CFAP46: variants seen among roughly 807,000 people sequenced by gnomAD.
CFAP46 encodes the protein cilia and flagella associated protein 46.
In CFAP46, 245 loss-of-function variants were observed where a neutral mutation model predicts 325.7. That is an observed-to-expected ratio of 0.75 (90% CI 0.68 to 0.84). CFAP46 has a LOEUF of 0.84. Among genes scored for constraint, CFAP46 ranks in the 40% least tolerant of loss-of-function variants. The pLI is 0.00. For missense variants in CFAP46, 3,346 were observed against 3,543.0 expected (o/e 0.94, Z 1.41); for synonymous variants, 1,523 against 1,495.9 (o/e 1.02, Z -0.42).
At chr10:132,875,877 T>G (rs949524709) in intron 31 of CFAP46, among the ~76,000 whole-genome samples, 7 of 152,204 alleles carry the variant, frequency 4.6e-5, no homozygotes, top group Non-Finnish European at 1.0e-4. Context: ...TGACTCTTAT[T>G]ACATTAAAAC....
At chr10:132,923,179 G>A (rs965389024) in intron 11 of CFAP46, among the ~76,000 whole-genome samples, 14 of 151,918 alleles carry the variant, frequency 9.2e-5, no homozygotes, top group African/African-American at 2.4e-4. Context: ...GGGGTACCCC[G>A]GAACCCCTGG....
chr10:132,882,000 T>C (rs866339170), intron 27 of CFAP46, among the ~76,000 whole-genome samples: 2 of 135,886 alleles, frequency 1.5e-5, no homozygotes, highest in Non-Finnish European at 3.2e-5. Context: ...GTGGGGTATG[T>C]GTGGTGTGTG....
At chr10:132,941,513 C>T in intron 3 of CFAP46, 78 bp downstream of exon 3, 1 of 1,528,370 alleles carries the variant, frequency 6.5e-7, no homozygotes, top group Non-Finnish European at 8.8e-7. Context: ...GATTTTAAGC[C>T]TGGTCTAGCC....
intron 50 of CFAP46, among the ~76,000 whole-genome samples, chr10:132,820,419 G>A (rs1026246311): frequency 1.1e-4 from 17 of 152,252 alleles, no homozygotes; most frequent in African/African-American, 3.4e-4. Flanking sequence ...CCGCTGACCC[G>A]CAGGGCAAAG....
In CFAP46 at chr10:132,919,264, A is replaced by G; in HGVS notation, c.1858+51T>C. 6.6e-7 allele frequency: 1 copy of G among 1,517,908 alleles called. No individual in the cohort carries two copies. Among genetic ancestry groups the G allele is most frequent in the Non-Finnish European group, 8.9e-7 (1 of 1,128,866 alleles). The allele number at this position is 1,517,908 out of a possible 1,614,324, so 94.0% of individuals were successfully genotyped here. ...ACGAACCACAACCCTTCCCACACCC[A>G]GAGGGCGGCCGTGGCCAGGCTGGGA... is the stretch of plus-strand genomic sequence containing the variant. On this transcript the variant is annotated intron_variant, in intron 15 of 57. Transcript: ENST00000368586. This position sits in a 1 kb window ranked among gnomAD's most constrained non-coding sequence, Gnocchi z 9.7.
intron 26 of CFAP46, 58 bp from the exon 27 acceptor site, chr10:132,885,344 T>C: frequency 6.8e-7 from 1 of 1,463,358 alleles, no homozygotes; most frequent in Non-Finnish European, 9.2e-7. Flanking sequence ...ATTTTAAACG[T>C]GGGTGATGCA....
chr10:132,825,680 G>A (rs1848033390), intron 50 of CFAP46, among the ~76,000 whole-genome samples: 1 of 152,164 alleles, frequency 6.6e-6, no homozygotes, highest in African/African-American at 2.4e-5. Context: ...TTAAGAGAGT[G>A]AAAAGAACTG....
chr10:132,878,129 C>T lies in CFAP46; in HGVS notation c.4006-42G>A, dbSNP rs974645702. The T allele has an allele frequency of 3.3e-6, 5 of 1,529,166 alleles. No individual in the cohort carries two copies. In the African/African-American group the frequency reaches 5.5e-5, roughly 17 times the overall value. The allele number at this position is 1,529,166 out of a possible 1,614,324, so 94.7% of individuals were successfully genotyped here. A position where few individuals can be genotyped will look rare whatever the true frequency, so the allele number is the denominator to read the frequency against. ...CCACATTTGCAGCACTGAAAACCCA[C>T]CCACCGCCCACTCTGCCCACCCTCC... On this transcript the variant is annotated intron_variant, in intron 29 of 57. Coordinates refer to ENST00000368586, the MANE Select transcript of CFAP46 (RefSeq NM_001200049.3).
intron 50 of CFAP46, among the ~76,000 whole-genome samples, chr10:132,818,451 C>G (rs1052369232): frequency 2.0e-5 from 3 of 152,256 alleles, no homozygotes; most frequent in Middle Eastern, 3.4e-3. Context: ...CCACAGCTAA[C>G]AGTGAAAAGC....
rs1027677817 is a variant in CFAP46, at chr10:132,817,094, G to A, written c.7118-2180C>T. 2.0e-5 allele frequency among the ~76,000 whole-genome samples: 3 copies of A among 152,324 alleles called. No individual in the cohort carries two copies. The highest frequency in any genetic ancestry group is 2.1e-4 in the South Asian group (1 of 4,822). The stretch of plus-strand genomic sequence containing the variant: ...TGTCTGGACCGTCAGTAATCCAGGC[G>A]TGGTAAAATCTCCCAGCGTTGGGGC... On this transcript the variant is annotated intron_variant, in intron 50 of 57. Transcript: ENST00000368586. The surrounding 1 kb of genome is among the most constrained non-coding windows in gnomAD (Gnocchi z 4.4).
At chr10:132,866,471 C>T (rs910094058) in intron 34 of CFAP46, among the ~76,000 whole-genome samples, 4 of 152,208 alleles carry the variant, frequency 2.6e-5, no homozygotes, top group African/African-American at 7.2e-5. Context: ...TTTGCTACTC[C>T]ACACACACAC....
At position 132,913,150 on chromosome 10, in the gene CFAP46, G is replaced by A. The variant is rs571256848; in HGVS notation, c.2229C>T (p.Tyr743=). ...TCAGGTGGTGGTTGTGGTTCAGGAC[G>A]TAGACCACGGCGTTCTGCACAATCC... ...EAWIVQNAVV[Y]VLNHNHHLIL... is the part of the protein sequence containing the mutation. The change falls in exon 18 of 58, where the codon TAC becomes TAT. Residue 743 remains tyrosine, a synonymous_variant. Transcript: ENST00000368586. 15 of 1,550,458 alleles carry A rather than the reference G, an allele frequency of 9.7e-6. No individual in the cohort carries two copies. In the African/African-American group the frequency reaches 1.2e-4, roughly 13 times the overall value.
At position 132,812,886 on chromosome 10, in the gene CFAP46, C is replaced by T. The variant is rs1415174094; in HGVS notation, c.7400G>A (p.Trp2467Ter). ...GSKHFPSQAQ[W>*]EQALGSCSGF... is the part of the protein sequence containing the mutation. Reference sequence around the variant, plus strand: ...GCTGCAGCTGCCCAGGGCCTGCTCCCACTGGGCCTGGCTGCAGAGAGAGGA... The same window carrying T: ...GCTGCAGCTGCCCAGGGCCTGCTCCTACTGGGCCTGGCTGCAGAGAGAGGA... Residue 2467 changes from tryptophan to a stop codon, truncating the protein, a stop_gained, in exon 55 of 58, where the codon TGG (tryptophan) becomes TAG (stop). Coordinates refer to ENST00000368586, the MANE Select transcript of CFAP46 (RefSeq NM_001200049.3). LOFTEE classifies it high-confidence loss of function. The T allele has an allele frequency of 6.2e-7, 1 of 1,608,164 alleles. No homozygotes were observed.
At chr10:132,824,702 A>ATGTGTGTG (rs1847999242) in intron 50 of CFAP46, among the ~76,000 whole-genome samples, 1 of 33,684 alleles carries the variant, frequency 3.0e-5, no homozygotes, top group African/African-American at 2.8e-4. Context: ...GTGTGCGCTG[A>ATGTGTGTG]TGTGTGCTGT....
chr10:132,836,051 C>A (rs1160547227), intron 46 of CFAP46, 91 bp downstream of exon 46: 2 of 572,258 alleles, frequency 3.5e-6, no homozygotes, highest in Non-Finnish European at 5.3e-6. Context: ...CTCTCACCTC[C>A]CCCTCCCGAC....
At chr10:132,909,325 G>C (rs1849506290) in intron 20 of CFAP46, 81 bp from the exon 21 acceptor site, 3 of 986,876 alleles carry the variant, frequency 3.0e-6, no homozygotes, top group Non-Finnish European at 4.7e-6. Context: ...ACACTGCAAG[G>C]TATTAGTTTT....
At chr10:132,885,343 G>T in intron 26 of CFAP46, 57 bp from the exon 27 acceptor site, 2 of 1,469,852 alleles carry the variant, frequency 1.4e-6, no homozygotes, top group Non-Finnish European at 1.8e-6. Context: ...AATTTTAAAC[G>T]TGGGTGATGC....
chr10:132,836,564 C>T (rs1848250986), intron 45 of CFAP46, among the ~76,000 whole-genome samples: 1 of 152,242 alleles, frequency 6.6e-6, no homozygotes, highest in Non-Finnish European at 1.5e-5. Context: ...CGGGTCCGGA[C>T]GCCCAGACCA....
chr10:132,931,612 C>CTAGG (rs1329005427), intron 8 of CFAP46, among the ~76,000 whole-genome samples: 1 of 138,680 alleles, frequency 7.2e-6, no homozygotes, highest in Non-Finnish European at 1.6e-5. Flanking sequence ...CATACAGAGG[C>CTAGG]TAGGCCTCCC....
Sources: gnomAD v4.1 joint callset for allele counts (sites outside exome capture counted in the v4.1 genomes callset) on GRCh38, gnomAD v4.1.1 for gene constraint, Gnocchi (gnomAD v3.1) non-coding constraint, MANE v1.5 for transcripts, NCBI Gene and HGNC (gene_info 2026-07-23, HGNC 2026-07-21) for gene names.